MROH2B: variants seen among roughly 807,000 people sequenced by gnomAD.
MROH2B encodes maestro heat like repeat family member 2B, also known as maestro heat-like repeat-containing protein family member 2B.
In MROH2B, 177 loss-of-function variants were observed where a neutral mutation model predicts 208.6. That is an observed-to-expected ratio of 0.85 (90% CI 0.75 to 0.96). The LOEUF is 0.96. Among genes scored for constraint, MROH2B ranks in the 40% least tolerant of loss-of-function variants. The pLI is 0.00. For missense variants in MROH2B, 2,002 were observed against 1,878.7 expected (o/e 1.07, Z -1.21); for synonymous variants, 728 against 659.0 (o/e 1.10, Z -1.60).
At chr5:41,068,563 T>G (rs1743881281) in intron 2 of MROH2B, among the ~76,000 whole-genome samples, 1 of 152,240 alleles carries the variant, frequency 6.6e-6, no homozygotes, top group Admixed American at 6.5e-5. Flanking sequence ...AGTCTGAATT[T>G]TAGCTGGCAC....
chr5:41,017,868 C>G lies in MROH2B; in HGVS notation c.2866G>C (p.Gly956Arg), dbSNP rs1165140463. The G allele has an allele frequency of 6.3e-7, 1 of 1,594,900 alleles. No individual in the cohort carries two copies. The highest frequency in any genetic ancestry group is 8.5e-7 in the Non-Finnish European group (1 of 1,170,558). The change falls in exon 28 of 42, where the codon GGT becomes CGT. Residue 956 changes from glycine to arginine, a missense_variant. Coordinates refer to ENST00000399564, the MANE Select transcript of MROH2B (RefSeq NM_173489.5). ...IRQAAASSTI[G>R]LFYIKGIHLE... Reference sequence around the variant, plus strand: ...CCCTCACCTTTTATATAGAACAGACCAATAGTTGAGCTAGCAGCCGCCTGA... The same window carrying G: ...CCCTCACCTTTTATATAGAACAGACGAATAGTTGAGCTAGCAGCCGCCTGA...
At chr5:41,063,773 A>G (rs951483232) in intron 5 of MROH2B, among the ~76,000 whole-genome samples, 1 of 152,206 alleles carries the variant, frequency 6.6e-6, no homozygotes, top group Non-Finnish European at 1.5e-5. Context: ...TCAGTGGCTG[A>G]GCAGAGACAA....
At chr5:41,005,304 T>G in intron 35 of MROH2B, 2 of 542,646 alleles carry the variant, frequency 3.7e-6, no homozygotes, top group Non-Finnish European at 6.5e-6. Flanking sequence ...CCCCTTTCTC[T>G]GCCTTCTGCA....
chr5:41,061,780 A>T, intron 5 of MROH2B, 56 bp from the exon 6 acceptor site: 1 of 1,535,198 alleles, frequency 6.5e-7, no homozygotes, highest in South Asian at 1.2e-5. Flanking sequence ...GGGGCAGACG[A>T]TAAAATAATT....
chr5:40,999,579 C>T lies in MROH2B; in HGVS notation c.4585+98G>A, dbSNP rs981921339. ...CTGGGCTTTAATAAAAAAGTTATACCAGTCCTACTAGTGTTCATACTGGAC... is the reference window on the plus strand; with the variant it reads ...CTGGGCTTTAATAAAAAAGTTATACTAGTCCTACTAGTGTTCATACTGGAC... On this transcript the variant is annotated intron_variant, in intron 40 of 41. Coordinates refer to ENST00000399564, the MANE Select transcript of MROH2B (RefSeq NM_173489.5). 5.8e-6 allele frequency: 5 copies of T among 862,622 alleles called. No homozygotes were observed. In the Admixed American group the frequency reaches 1.2e-4, roughly 21 times the overall value. 53.4% of individuals were successfully genotyped at this position (862,622 alleles called of 1,614,324 possible).
At chr5:41,002,506 A>G (rs955235805) in intron 37 of MROH2B, among the ~76,000 whole-genome samples, 34 of 152,236 alleles carry the variant, frequency 2.2e-4, no homozygotes, top group Non-Finnish European at 2.9e-5. Flanking sequence ...AAACAAAGGA[A>G]GAAAACTTGG....
At chr5:41,050,402 T>C (rs1743250132) in intron 13 of MROH2B, among the ~76,000 whole-genome samples, 2 of 152,234 alleles carry the variant, frequency 1.3e-5, no homozygotes, top group African/African-American at 4.8e-5. Flanking sequence ...ATGTCCAGTT[T>C]TGCTGATTCA....
intron 21 of MROH2B, among the ~76,000 whole-genome samples, chr5:41,036,207 G>C (rs148233381): frequency 6.6e-6 from 1 of 151,904 alleles, no homozygotes; most frequent in South Asian, 2.1e-4. Flanking sequence ...ATCTCAACTT[G>C]AATTCCCATA....
chr5:41,000,643 AGCAGGAGGT>A (rs1384994291), intron 38 of MROH2B, 26 bp downstream of exon 38: 1 of 1,583,582 alleles, frequency 6.3e-7, no homozygotes, highest in Non-Finnish European at 8.6e-7. Flanking sequence ...CCATGGGGAG[AGCAGGAGGT>A]GCAGGTGTCT....
intron 35 of MROH2B, 152 bp from the exon 36 acceptor site, chr5:41,005,072 G>A: frequency 1.9e-6 from 2 of 1,037,388 alleles, no homozygotes; most frequent in African/African-American, 1.6e-5. Context: ...AAGCCTTGCT[G>A]AAGCTGAGCT....
intron 24 of MROH2B, among the ~76,000 whole-genome samples, chr5:41,028,721 C>A (rs1395109657): frequency 6.6e-6 from 1 of 152,028 alleles, no homozygotes; most frequent in Admixed American, 6.6e-5. Flanking sequence ...TTGACAGACA[C>A]CTAGGTTGTT....
At chr5:41,031,215 G>A (rs1160105363) in intron 24 of MROH2B, among the ~76,000 whole-genome samples, 3 of 152,266 alleles carry the variant, frequency 2.0e-5, no homozygotes, top group South Asian at 2.1e-4. Flanking sequence ...GTGGCCAAAG[G>A]CAAAGGGAAA....
chr5:41,064,381 G>T (rs1047362332), intron 5 of MROH2B, 91 bp downstream of exon 5: 2 of 1,012,344 alleles, frequency 2.0e-6, no homozygotes, highest in African/African-American at 1.6e-5. Context: ...GGACAAGATT[G>T]GAGTTAAAGG....
chr5:41,069,632 C>T (rs10512757), intron 2 of MROH2B, 59 bp downstream of exon 2: 435,052 of 1,329,350 alleles, frequency 0.33, 75,859 homozygotes, highest in Non-Finnish European at 0.36. Context: ...AAAATATATA[C>T]GAAATGTTGC....
Position 41,033,083 on chromosome 5 carries a change from C to A in MROH2B, c.2319G>T (p.Gly773=), listed in dbSNP as rs746589171. 6 of 1,613,124 alleles carry A rather than the reference C, an allele frequency of 3.7e-6. No individual in the cohort carries two copies. Among genetic ancestry groups the A allele is most frequent in the Non-Finnish European group, 5.1e-6 (6 of 1,179,308 alleles). Residue 773 remains glycine (G), a synonymous_variant, in exon 23 of 42, where the codon GGG becomes GGT. Transcript: ENST00000399564. ...GCATCTCCTTGTAGGAAAACTGGAA[C>A]CCCTGATCCTCAGCATCTTGGACAG... ...GIAVQDAEDQ[G]FQFSYKEMLI...
At chr5:41,037,416 A>G (rs1315464743) in intron 21 of MROH2B, among the ~76,000 whole-genome samples, 1 of 152,176 alleles carries the variant, frequency 6.6e-6, no homozygotes, top group Non-Finnish European at 1.5e-5. Context: ...AGCATGTTGA[A>G]AATGCAAATT....
intron 29 of MROH2B, among the ~76,000 whole-genome samples, chr5:41,013,173 G>T (rs1741828312): frequency 6.6e-6 from 1 of 152,186 alleles, no homozygotes; most frequent in Non-Finnish European, 1.5e-5. Context: ...TATGTATTAA[G>T]TACCATGCTG....
At chr5:41,061,979 T>A (rs1454850817) in intron 5 of MROH2B, among the ~76,000 whole-genome samples, 1 of 151,794 alleles carries the variant, frequency 6.6e-6, no homozygotes, top group Non-Finnish European at 1.5e-5. Context: ...AAGACTAAGG[T>A]GCAGCTGGTA....
Position 41,049,132 on chromosome 5 carries a change from G to C in MROH2B, c.1511C>G (p.Pro504Arg). Residue 504 changes from proline to arginine, a missense_variant, in exon 15 of 42, where the codon CCT (proline) becomes CGT (arginine). Physicochemically the swap from Pro to Arg is moderately radical, Grantham distance 103. Transcript: ENST00000399564. ...TCTGGCCAGTAGCTGCTGTGGTGAA[G>C]GAAGTTTCACTAGAAAGAGAAAGCA... is the stretch of plus-strand genomic sequence containing the variant. ...LVVSTGAVKL[P>R]SPQQLLARLL... 1.9e-6 allele frequency: 3 copies of C among 1,600,988 alleles called. No individual in the cohort carries two copies. The South Asian group carries it at 3.4e-5, about 18-fold the overall frequency.
Sources: gnomAD v4.1 joint callset for allele counts (sites outside exome capture counted in the v4.1 genomes callset) on GRCh38, gnomAD v4.1.1 for gene constraint, MANE v1.5 for transcripts, NCBI Gene and HGNC (gene_info 2026-07-23, HGNC 2026-07-21) for gene names.